Variants in EHMT1 observed in about 807,000 individuals in gnomAD.
EHMT1 encodes the protein histone-lysine N-methyltransferase EHMT1.
Under a neutral mutation model 147.2 loss-of-function variants are expected in EHMT1, and 15 were observed. The ratio of observed to expected loss-of-function variants is 0.10; its 90% CI spans 0.07 to 0.16. The LOEUF (loss-of-function observed/expected upper bound fraction) is 0.16, where lower values mean the gene tolerates loss of function less well. Among genes scored for constraint, EHMT1 ranks in the 10% least tolerant of loss-of-function variants. The probability of loss-of-function intolerance (pLI) is 1.00; values close to 1 mark genes in which losing one functional copy is unlikely to be tolerated. For synonymous variants in EHMT1, 795 were observed against 709.6 expected (o/e 1.12, Z -1.91); for missense variants, 1,587 against 1,772.4 (o/e 0.90, Z 1.88).
At chr9:137,657,265 T>C (rs1233053711) in intron 1 of EHMT1, among the ~76,000 whole-genome samples, 2 of 152,154 alleles carry the variant, frequency 1.3e-5, no homozygotes, top group Non-Finnish European at 2.9e-5. Context: ...GGGGTGATTG[T>C]CTCATAGGCT....
At chr9:137,799,002 C>T in intron 17 of EHMT1, 88 bp downstream of exon 17, 2 of 1,120,688 alleles carry the variant, frequency 1.8e-6, no homozygotes, top group South Asian at 1.3e-5. Flanking sequence ...CACCCCCATT[C>T]TCCATGGCGT....
chr9:137,713,263 A>ATTTTTT (rs59459382), intron 2 of EHMT1, among the ~76,000 whole-genome samples: 8 of 102,348 alleles, frequency 7.8e-5, no homozygotes, highest in South Asian at 3.6e-4. Flanking sequence ...CACCATGCTA[A>ATTTTTT]TTTTTTTTTT....
At chr9:137,778,318 GCTGTTGGC>G (rs1422548880) in intron 13 of EHMT1, among the ~76,000 whole-genome samples, 1 of 152,230 alleles carries the variant, frequency 6.6e-6, no homozygotes, top group Non-Finnish European at 1.5e-5. Flanking sequence ...TTTCCTGGTT[GCTGTTGGC>G]CCTGAGCTGC....
chr9:137,707,228 G>A (rs886465200), intron 1 of EHMT1, among the ~76,000 whole-genome samples: 1 of 152,238 alleles, frequency 6.6e-6, no homozygotes, highest in Non-Finnish European at 1.5e-5. Flanking sequence ...GCTGCTTGGG[G>A]GGGCTGGTCT....
intron 1 of EHMT1, among the ~76,000 whole-genome samples, chr9:137,651,839 G>C (rs2133956909): frequency 6.6e-6 from 1 of 152,104 alleles, no homozygotes; most frequent in East Asian, 1.9e-4. Context: ...AGTTCCTATT[G>C]CCCAGGACAT....
intron 13 of EHMT1, among the ~76,000 whole-genome samples, chr9:137,778,918 A>G (rs760120988): frequency 2.0e-5 from 3 of 152,230 alleles, no homozygotes; most frequent in African/African-American, 4.8e-5. Flanking sequence ...CAGGAGCAGT[A>G]GCAAGAGACA....
At chr9:137,648,179 G>A (rs1357656033) in intron 1 of EHMT1, among the ~76,000 whole-genome samples, 4 of 152,012 alleles carry the variant, frequency 2.6e-5, no homozygotes, top group African/African-American at 9.7e-5. Flanking sequence ...GCCAGTGAGA[G>A]CCCTTCAAGC....
intron 3 of EHMT1, among the ~76,000 whole-genome samples, chr9:137,725,153 G>T (rs1588392853): frequency 6.8e-6 from 1 of 147,758 alleles, no homozygotes; most frequent in Non-Finnish European, 1.5e-5. Context: ...GTGTGTGGCA[G>T]GCGTGTGGCA....
In EHMT1 at chr9:137,798,462, G is replaced by A. The variant is rs147710830; in HGVS notation, c.2506-351G>A. Among the ~76,000 whole-genome samples the A allele has an allele frequency of 2.6e-5, 4 of 152,278 alleles. No individual in the cohort carries two copies. In the East Asian group the frequency reaches 7.7e-4, roughly 29 times the overall value. ...CCAGCAGCAAAGGAAGCAAGAGGAGGGCAGAGTCCCTGGCGTTTCCGGAGC... is the reference window on the plus strand; with the variant it reads ...CCAGCAGCAAAGGAAGCAAGAGGAGAGCAGAGTCCCTGGCGTTTCCGGAGC... On this transcript the variant is annotated intron_variant, in intron 16 of 26. Transcript: ENST00000460843.
In EHMT1 at chr9:137,834,345, G is replaced by A; in HGVS notation, c.3541-4G>A. The A allele has an allele frequency of 6.2e-7, 1 of 1,612,706 alleles. No homozygotes were observed. Among genetic ancestry groups the A allele is most frequent in the Non-Finnish European group, 8.5e-7 (1 of 1,179,738 alleles). ...GCAGCCCGTGCCGGCTTCTCGCCCT[G>A]CAGGACGGGGAGGTTTACTGCATCG... On this transcript the variant is annotated splice_polypyrimidine_tract_variant and splice_region_variant and intron_variant, in intron 25 of 26. Coordinates refer to ENST00000460843, the MANE Select transcript of EHMT1 (RefSeq NM_024757.5).
chr9:137,642,028 C>T (rs1844526875), intron 1 of EHMT1, among the ~76,000 whole-genome samples: 4 of 150,940 alleles, frequency 2.7e-5, no homozygotes, highest in Admixed American at 2.0e-4. Flanking sequence ...TTAGTAGAGA[C>T]GGAGTTTCGT....
intron 1 of EHMT1, among the ~76,000 whole-genome samples, chr9:137,692,692 C>T (rs1219386973): frequency 2.6e-5 from 4 of 152,100 alleles, no homozygotes; most frequent in Non-Finnish European, 2.9e-5. Context: ...AGATGATCTG[C>T]GCGCTGGTCA....
chr9:137,676,394 C>G (rs535813962), intron 1 of EHMT1: 25 of 152,668 alleles, frequency 1.6e-4, no homozygotes, highest in African/African-American at 5.5e-4. Context: ...TAGACAGGGT[C>G]TCACTCTGTT....
intron 1 of EHMT1, chr9:137,620,118 T>A (rs1842863340): frequency 6.6e-6 from 1 of 152,180 alleles, no homozygotes; most frequent in Non-Finnish European, 1.5e-5. Context: ...TTGGGGGGTG[T>A]TGAAATAAGT....
intron 1 of EHMT1, among the ~76,000 whole-genome samples, chr9:137,685,523 A>G (rs1268325411): frequency 6.6e-6 from 1 of 152,210 alleles, no homozygotes; most frequent in Non-Finnish European, 1.5e-5. Flanking sequence ...CTTGTGAATA[A>G]TGCTGCTTCG....
At chr9:137,660,230 G>A (rs2134067787) in intron 1 of EHMT1, among the ~76,000 whole-genome samples, 1 of 152,078 alleles carries the variant, frequency 6.6e-6, no homozygotes, top group East Asian at 1.9e-4. Flanking sequence ...AGCTAATAAG[G>A]CTGAGGTGGG....
intron 3 of EHMT1, among the ~76,000 whole-genome samples, chr9:137,727,948 TG>T: frequency 6.6e-6 from 1 of 152,376 alleles, no homozygotes; most frequent in East Asian, 1.9e-4. Context: ...CTGCCCATTT[TG>T]GGTATTTTTT....
rs368833627 is a variant in EHMT1 at position 137,748,443 on chromosome 9, G to A, written c.1171-3888G>A. 9.9e-5 allele frequency among the ~76,000 whole-genome samples: 15 copies of A among 152,284 alleles called. No individual in the cohort carries two copies. In the East Asian group the frequency reaches 1.4e-3, roughly 14 times the overall value. Reference sequence around the variant, plus strand: ...GCCTGTGGGTGGTTCCAGTGGGGCCGTCCTGGAGGAGGTTGCTGCCAGCAC... The same window carrying A: ...GCCTGTGGGTGGTTCCAGTGGGGCCATCCTGGAGGAGGTTGCTGCCAGCAC... On this transcript the variant is annotated intron_variant, in intron 6 of 26. Coordinates refer to ENST00000460843, the MANE Select transcript of EHMT1 (RefSeq NM_024757.5).
chr9:137,726,660 A>G (rs534473403), intron 3 of EHMT1, among the ~76,000 whole-genome samples: 3 of 152,318 alleles, frequency 2.0e-5, no homozygotes, highest in African/African-American at 7.2e-5. Flanking sequence ...GCTGGATCAC[A>G]TGGTAGTTCC....
Sources: gnomAD v4.1 joint callset for allele counts (sites outside exome capture counted in the v4.1 genomes callset) on GRCh38, gnomAD v4.1.1 for gene constraint, MANE v1.5 for transcripts, NCBI Gene and HGNC (gene_info 2026-07-23, HGNC 2026-07-21) for gene names.